SORCS2: variants seen among roughly 807,000 people sequenced by gnomAD.
The protein encoded by SORCS2 is sortilin related VPS10 domain containing receptor 2, also known as VPS10 domain-containing receptor SorCS2.
In SORCS2, 100 loss-of-function variants were observed where a neutral mutation model predicts 141.6. The observed-to-expected ratio is 0.71, with a 90% confidence interval of 0.60 to 0.83. The LOEUF (loss-of-function observed/expected upper bound fraction) is 0.83, where lower values mean the gene tolerates loss of function less well. Ranked by LOEUF, SORCS2 falls within the 40% of genes least tolerant of loss-of-function variation. SORCS2 has a pLI of 0.00. For synonymous variants in SORCS2, 789 were observed against 676.9 expected, an observed-to-expected ratio of 1.17 and a Z score of -2.57; for missense variants, 1,646 against 1,560.2, an observed-to-expected ratio of 1.05 and a Z score of -0.93.
At chr4:7,685,095 G>A (rs1723794742) in intron 10 of SORCS2, among the ~76,000 whole-genome samples, 1 of 152,224 alleles carries the variant, frequency 6.6e-6, no homozygotes. Flanking sequence ...ACGCTTCCCA[G>A]AACAGAATTG....
chr4:7,434,582 T>G (rs746200637), intron 2 of SORCS2: 1 of 1,613,450 alleles, frequency 6.2e-7, no homozygotes, highest in Non-Finnish European at 8.5e-7. Flanking sequence ...GACTCCTGGC[T>G]GGGGAGCCAC....
intron 1 of SORCS2, among the ~76,000 whole-genome samples, chr4:7,259,512 C>A (rs141637650): frequency 6.6e-6 from 1 of 152,226 alleles, no homozygotes; most frequent in South Asian, 2.1e-4. Flanking sequence ...CTGTGCTTTC[C>A]CTGGAACAGG....
chr4:7,394,527 T>A lies in SORCS2; in HGVS notation c.481-1761T>A, dbSNP rs73084218. On this transcript the variant is annotated intron_variant, in intron 1 of 26. Transcript: ENST00000507866. ...CACCGAGGAAATAGGGCTGGGGGAT[T>A]TGGGGAAGAGCATCCCAGGGTGAGG... 1.4e-3 allele frequency among the ~76,000 whole-genome samples: 209 copies of A among 148,974 alleles called. 1 individual carries two copies. The highest frequency in any genetic ancestry group is 5.1e-3 in the African/African-American group (203 of 40,114).
chr4:7,516,301 C>A (rs1427440484), intron 2 of SORCS2, among the ~76,000 whole-genome samples: 3 of 152,096 alleles, frequency 2.0e-5, no homozygotes, highest in African/African-American at 4.8e-5. Flanking sequence ...TGGGGAGGGA[C>A]GGCAGGCCTC....
intron 14 of SORCS2, among the ~76,000 whole-genome samples, chr4:7,706,652 T>C (rs73794391): frequency 0.87 from 106,965 of 122,882 alleles, 46,784 homozygotes; most frequent in East Asian, 0.99. Context: ...GGCTGGGCTC[T>C]GCCTGGGCAG....
intron 2 of SORCS2, among the ~76,000 whole-genome samples, chr4:7,435,201 C>G (rs1727219359): frequency 6.6e-6 from 1 of 152,262 alleles, no homozygotes; most frequent in Non-Finnish European, 1.5e-5. Context: ...CCTCCCCCTG[C>G]TGCAGTAGTT....
In SORCS2 at chr4:7,737,171, G is replaced by A. The variant is rs1445483566; in HGVS notation, c.3414G>A (p.Gln1138=). 5.2e-6 allele frequency: 8 copies of A among 1,551,186 alleles called. No homozygotes were observed. Among genetic ancestry groups the A allele is most frequent in the Non-Finnish European group, 7.0e-6 (8 of 1,146,894 alleles). The change falls in exon 26 of 27, where the codon CAG becomes CAA. Residue 1138 remains glutamine (Q), a splice_region_variant and synonymous_variant. Coordinates refer to ENST00000507866, the MANE Select transcript of SORCS2 (RefSeq NM_020777.3). ...SHSEDVQGAV[Q]GNHSGVVLSI... is the part of the protein sequence containing the mutation. ...GTGAGGACGTCCAGGGCGCTGTCCA[G>A]GGTGAGGAGTTTATAGATGATGATC... is the stretch of plus-strand genomic sequence containing the variant.
chr4:7,695,921 TGGA>T (rs1724670199), intron 11 of SORCS2, among the ~76,000 whole-genome samples: 11 of 112,452 alleles, frequency 9.8e-5, no homozygotes, highest in East Asian at 8.8e-4. Flanking sequence ...GATGGATGGA[TGGA>T]TTGGTGGGTG....
chr4:7,466,999 C>T (rs1729657158), intron 2 of SORCS2, among the ~76,000 whole-genome samples: 2 of 152,090 alleles, frequency 1.3e-5, no homozygotes, highest in South Asian at 4.1e-4. Context: ...CTCTGTGGCT[C>T]TTTGGCTTGG....
At chr4:7,526,229 A>T (rs1220121253) in intron 2 of SORCS2, among the ~76,000 whole-genome samples, 6 of 152,212 alleles carry the variant, frequency 3.9e-5, no homozygotes, top group African/African-American at 1.4e-4. Context: ...AGAGCCCCAC[A>T]CCTTCAGAAG....
In SORCS2 at chr4:7,664,402, G is replaced by C; in HGVS notation, c.1002G>C (p.Leu334=). The change falls in exon 7 of 27, where the codon CTG becomes CTC. Residue 334 remains leucine, a synonymous_variant. Transcript: ENST00000507866. This position sits in a 1 kb window ranked among gnomAD's most constrained non-coding sequence, Gnocchi z 4.7. ...CAIHNCSEKM[L]TAPFAGPIDH... is the part of the protein sequence containing the mutation. ...TCCACAATTGCTCCGAGAAGATGCT[G>C]ACAGCCCCATTCGCAGGCCCCATTG... 1 of 1,613,890 alleles carries C rather than the reference G, an allele frequency of 6.2e-7. No homozygotes were observed. The highest frequency in any genetic ancestry group is 8.5e-7 in the Non-Finnish European group (1 of 1,179,862).
Position 7,465,610 on chromosome 4 carries a change from C to T in SORCS2, c.549-65920C>T, listed in dbSNP as rs563224484. Among the ~76,000 whole-genome samples, 116 of 152,218 alleles carry T rather than the reference C, an allele frequency of 7.6e-4. 3 individuals are homozygous for T. The highest frequency in any genetic ancestry group is 8.2e-4 in the Non-Finnish European group (56 of 68,020). On this transcript the variant is annotated intron_variant, in intron 2 of 26. Transcript: ENST00000507866. Reference sequence around the variant, plus strand: ...TATGTGTGCACTTTTCTTTTAAGTTCGTTTTTTCTCCTTTATAAAGATACG... The same window carrying T: ...TATGTGTGCACTTTTCTTTTAAGTTTGTTTTTTCTCCTTTATAAAGATACG...
intron 5 of SORCS2, 117 bp downstream of exon 5, chr4:7,654,324 T>A: frequency 9.4e-7 from 1 of 1,067,718 alleles, no homozygotes; most frequent in Non-Finnish European, 1.4e-6. Flanking sequence ...ACCCTCCCCA[T>A]CCCGGGGCTG....
At chr4:7,503,665 T>A (rs1038194642) in intron 2 of SORCS2, among the ~76,000 whole-genome samples, 4 of 151,054 alleles carry the variant, frequency 2.6e-5, no homozygotes, top group African/African-American at 9.8e-5. Context: ...GGGGTGCAGA[T>A]GGATGGAGAC....
At chr4:7,371,223 G>A (rs1722226341) in intron 1 of SORCS2, among the ~76,000 whole-genome samples, 1 of 152,160 alleles carries the variant, frequency 6.6e-6, no homozygotes, top group Non-Finnish European at 1.5e-5. Context: ...TCGTGCCCAC[G>A]TGTGTACCCG....
In SORCS2 at chr4:7,704,210, G is replaced by A. The variant is rs370820514; in HGVS notation, c.1794G>A (p.Thr598=). The change falls in exon 14 of 27, where the codon ACG becomes ACA. Residue 598 remains threonine, a synonymous_variant. Coordinates refer to ENST00000507866, the MANE Select transcript of SORCS2 (RefSeq NM_020777.3). ...TGGACGAGGGCCTCACCTGGAGCAC[G>A]CACAACTTCACCAGCACCTCGGTGT... ...FSVDEGLTWS[T]HNFTSTSVFV... The A allele has an allele frequency of 8.1e-6, 13 of 1,612,798 alleles. No homozygotes were observed. Among genetic ancestry groups the A allele is most frequent in the South Asian group, 4.4e-5 (4 of 90,664 alleles).
chr4:7,627,260 C>T (rs1183479617), intron 3 of SORCS2, among the ~76,000 whole-genome samples: 4 of 152,204 alleles, frequency 2.6e-5, no homozygotes, highest in Admixed American at 6.5e-5. Flanking sequence ...GCTGGGATTA[C>T]AGGTATGTGC....
At chr4:7,713,978 C>T (rs188291865) in intron 15 of SORCS2, among the ~76,000 whole-genome samples, 1 of 152,348 alleles carries the variant, frequency 6.6e-6, no homozygotes, top group Admixed American at 6.5e-5. Flanking sequence ...AAAAGGGCTG[C>T]ACTTCCAGCA....
intron 8 of SORCS2, among the ~76,000 whole-genome samples, chr4:7,675,809 G>A (rs577087547): frequency 1.2e-4 from 19 of 152,300 alleles, no homozygotes; most frequent in African/African-American, 3.8e-4. Context: ...ATAACCCGGC[G>A]TAGAGCATCC....
Sources: allele counts gnomAD v4.1 joint callset (sites outside exome capture counted in the v4.1 genomes callset), GRCh38; gene constraint gnomAD v4.1.1; non-coding constraint Gnocchi (gnomAD v3.1); transcripts MANE v1.5; gene names NCBI Gene and HGNC (gene_info 2026-07-23, HGNC 2026-07-21).